The following GPC6 variants were observed in gnomAD, a reference collection of about 807,000 sequenced individuals.
The protein encoded by GPC6 is glypican-6.
In GPC6, 14 loss-of-function variants were observed where a neutral mutation model predicts 55.2. The ratio of observed to expected loss-of-function variants is 0.25; its 90% CI spans 0.17 to 0.40. The LOEUF (loss-of-function observed/expected upper bound fraction) is 0.40, where lower values mean the gene tolerates loss of function less well. GPC6 is among the 10% of genes least tolerant of loss of function. GPC6 has a pLI of 1.00. For missense variants in GPC6, 641 were observed against 708.5 expected (o/e 0.90, Z 1.08); for synonymous variants, 278 against 259.6 (o/e 1.07, Z -0.68).
chr13:94,104,177 G>A (rs1444902467), intron 4 of GPC6, among the ~76,000 whole-genome samples: 7 of 152,174 alleles, frequency 4.6e-5, no homozygotes, highest in South Asian at 2.1e-4. Context: ...CAGGTTTGTC[G>A]AAATTCAGAT....
rs186868973 is a variant in GPC6 at position 93,364,482 on chromosome 13, A to G, written c.160+136866A>G. ...CATGTGAATAAAGCCTCTGTTGAGG[A>G]TTAGTCGTTGATGCTATATGTTGCT... is the stretch of plus-strand genomic sequence containing the variant. On this transcript the variant is annotated intron_variant, in intron 1 of 8. Coordinates refer to ENST00000377047, the MANE Select transcript of GPC6 (RefSeq NM_005708.5). 1.8e-4 allele frequency among the ~76,000 whole-genome samples: 28 copies of G among 152,098 alleles called. No individual in the cohort carries two copies. The East Asian group carries it at 5.3e-3, about 29-fold the overall frequency.
chr13:94,199,221 C>T (rs963246056), intron 4 of GPC6, among the ~76,000 whole-genome samples: 5 of 152,186 alleles, frequency 3.3e-5, no homozygotes, highest in East Asian at 1.9e-4. Flanking sequence ...CTTTCCTTCA[C>T]GACAGAGAGA....
intron 5 of GPC6, among the ~76,000 whole-genome samples, chr13:94,288,792 A>ATATATATTTGTTATATATAATAAAT (rs1566637537): frequency 9.9e-6 from 1 of 101,300 alleles, no homozygotes; most frequent in Non-Finnish European, 1.8e-5. Context: ...ATATATAATA[A>ATATATATTTGTTATATATAATAAAT]ATATATATAT....
intron 4 of GPC6, among the ~76,000 whole-genome samples, chr13:94,164,686 G>A (rs984959829): frequency 1.3e-5 from 2 of 152,156 alleles, no homozygotes; most frequent in Non-Finnish European, 2.9e-5. Flanking sequence ...TACAGTGATA[G>A]AGCGGATAAC....
rs547275863 is a variant in GPC6, at chr13:93,986,067, G to A, written c.712-41662G>A. ...ACAGATCCTCATAGGGTAAAGACAT[G>A]AATTGATCCATTACTCAACCCCAAG... On this transcript the variant is annotated intron_variant, in intron 3 of 8. Coordinates refer to ENST00000377047, the MANE Select transcript of GPC6 (RefSeq NM_005708.5). Among the ~76,000 whole-genome samples, 247 of 152,100 alleles carry A rather than the reference G, an allele frequency of 1.6e-3. 1 individual carries two copies. Among genetic ancestry groups the A allele is most frequent in the African/African-American group, 5.7e-3 (235 of 41,520 alleles).
Position 93,545,375 on chromosome 13 carries a change from C to T in GPC6, c.273C>T (p.Ser91=), listed in dbSNP as rs772761947. The T allele has an allele frequency of 1.5e-5, 25 of 1,613,658 alleles. No individual in the cohort carries two copies. Among genetic ancestry groups the T allele is most frequent in the Non-Finnish European group, 1.9e-5 (22 of 1,179,722 alleles). ...TTGAAAACCTTGTGGAAGAGACAAG[C>T]CATTTTGTGCGCACCACTTTTGTGT... ...LEFENLVEET[S]HFVRTTFVSR... is the part of the protein sequence containing the mutation. The change falls in exon 2 of 9, where the codon AGC becomes AGT. Residue 91 remains serine (S), a synonymous_variant. Coordinates refer to ENST00000377047, the MANE Select transcript of GPC6 (RefSeq NM_005708.5).
chr13:93,700,146 T>C (rs2138793292), intron 2 of GPC6, among the ~76,000 whole-genome samples: 1 of 152,222 alleles, frequency 6.6e-6, no homozygotes, highest in Non-Finnish European at 1.5e-5. Context: ...AAAACAAAGC[T>C]GTCCAGCAAG....
rs189827020 is a variant in GPC6, at chr13:93,259,645, G to C, written c.160+32029G>C. Among the ~76,000 whole-genome samples the C allele has an allele frequency of 2.6e-5, 4 of 152,036 alleles. No individual in the cohort carries two copies. The East Asian group carries it at 7.8e-4, about 29-fold the overall frequency. Reference sequence around the variant, plus strand: ...TTTCCAGTCAGTTTGTTATTATAGGGAACTGAATTATTTCTAGGGTAGGAG... The same window carrying C: ...TTTCCAGTCAGTTTGTTATTATAGGCAACTGAATTATTTCTAGGGTAGGAG... On this transcript the variant is annotated intron_variant, in intron 1 of 8. Transcript: ENST00000377047.
Position 93,715,027 on chromosome 13 carries a change from A to G in GPC6, c.320-115127A>G, listed in dbSNP as rs192363668. ...AGCAATGAAGGTCAGTTTTGCTGCCATCTTGGTTCCAGATGGTTTAGGCTG... is the reference window on the plus strand; with the variant it reads ...AGCAATGAAGGTCAGTTTTGCTGCCGTCTTGGTTCCAGATGGTTTAGGCTG... On this transcript the variant is annotated intron_variant, in intron 2 of 8. Coordinates refer to ENST00000377047, the MANE Select transcript of GPC6 (RefSeq NM_005708.5). 4.6e-5 allele frequency among the ~76,000 whole-genome samples: 7 copies of G among 151,736 alleles called. No individual in the cohort carries two copies. In the East Asian group the frequency reaches 5.9e-4, roughly 13 times the overall value.
chr13:93,705,858 T>G (rs78342225), intron 2 of GPC6, among the ~76,000 whole-genome samples: 1 of 151,468 alleles, frequency 6.6e-6, no homozygotes, highest in Non-Finnish European at 1.5e-5. Flanking sequence ...TTGTTTTTAT[T>G]CCCAAGTGAT....
chr13:93,359,992 A>T (rs1166185669), intron 1 of GPC6, among the ~76,000 whole-genome samples: 2 of 152,298 alleles, frequency 1.3e-5, no homozygotes, highest in East Asian at 3.9e-4. Context: ...TGGAATTTTT[A>T]CTCTTTACCC....
At chr13:93,708,942 A>G (rs1255875553) in intron 2 of GPC6, among the ~76,000 whole-genome samples, 2 of 151,796 alleles carry the variant, frequency 1.3e-5, no homozygotes, top group Non-Finnish European at 2.9e-5. Context: ...CAAGCCACAC[A>G]GGGAGAAAAG....
At chr13:93,809,538 C>G (rs1886635529) in intron 2 of GPC6, among the ~76,000 whole-genome samples, 1 of 152,182 alleles carries the variant, frequency 6.6e-6, no homozygotes, top group Non-Finnish European at 1.5e-5. Flanking sequence ...GTACCTTTGG[C>G]AGCCACTTCT....
At chr13:94,083,267 C>A (rs113282964) in intron 4 of GPC6, among the ~76,000 whole-genome samples, 2 of 151,974 alleles carry the variant, frequency 1.3e-5, no homozygotes, top group Admixed American at 1.3e-4. Flanking sequence ...TACAGGCGCC[C>A]GCCACCACAC....
chr13:93,318,437 CAT>C (rs1879316509), intron 1 of GPC6, among the ~76,000 whole-genome samples: 1 of 151,766 alleles, frequency 6.6e-6, no homozygotes, highest in Non-Finnish European at 1.5e-5. Context: ...TGTTTTCTAA[CAT>C]AGAAAAAAGA....
chr13:94,013,399 G>A (rs1394296638), intron 3 of GPC6, among the ~76,000 whole-genome samples: 2 of 152,126 alleles, frequency 1.3e-5, no homozygotes, highest in African/African-American at 4.8e-5. Context: ...TGCCCAGGCT[G>A]GAGTGCTATG....
chr13:93,376,106 G>A (rs1431836495), intron 1 of GPC6, among the ~76,000 whole-genome samples: 1 of 149,444 alleles, frequency 6.7e-6, no homozygotes, highest in Non-Finnish European at 1.5e-5. Context: ...AGGACATGGA[G>A]TAAGCTGGAG....
intron 3 of GPC6, among the ~76,000 whole-genome samples, chr13:93,960,973 C>T (rs145184022): frequency 0.018 from 2,794 of 152,032 alleles, 98 homozygotes; most frequent in African/African-American, 0.064. Flanking sequence ...CCACCACGTC[C>T]GGCTAATTTT....
chr13:93,525,709 T>C (rs1594236816), intron 1 of GPC6, among the ~76,000 whole-genome samples: 1 of 152,128 alleles, frequency 6.6e-6, no homozygotes, highest in African/African-American at 2.4e-5. Flanking sequence ...GGTCAGTCAA[T>C]GGATTTTCAA....
Sources: gnomAD v4.1 joint callset for allele counts (sites outside exome capture counted in the v4.1 genomes callset) on GRCh38, gnomAD v4.1.1 for gene constraint, MANE v1.5 for transcripts, NCBI Gene and HGNC (gene_info 2026-07-23, HGNC 2026-07-21) for gene names.